ALK: variants seen among roughly 807,000 people sequenced by gnomAD.
ALK encodes ALK tyrosine kinase receptor.
A neutral mutation model predicts 163.1 loss-of-function variants in ALK; 74 were observed. That is an observed-to-expected ratio of 0.45 (90% CI 0.38 to 0.55). The LOEUF is 0.55. ALK is among the 20% of genes least tolerant of loss of function. The pLI is 0.00. For synonymous variants in ALK, 960 were observed against 843.2 expected, an observed-to-expected ratio of 1.14 and a Z score of -2.40; for missense variants, 2,063 against 2,105.3, an observed-to-expected ratio of 0.98 and a Z score of 0.39.
At chr2:29,906,951 T>TG (rs1313491131) in intron 1 of ALK, among the ~76,000 whole-genome samples, 4 of 139,490 alleles carry the variant, frequency 2.9e-5, no homozygotes, top group African/African-American at 1.1e-4. Flanking sequence ...TTTTTTTTTT[T>TG]TTTTTTTTTT....
At chr2:29,538,839 A>G (rs1226976604) in intron 3 of ALK, among the ~76,000 whole-genome samples, 1 of 152,182 alleles carries the variant, frequency 6.6e-6, no homozygotes, top group Non-Finnish European at 1.5e-5. Context: ...GGATAGGACA[A>G]TAAGAAAAAT....
In ALK at chr2:29,555,644, AGCC is replaced by A. The variant is rs1673833938; in HGVS notation, c.953-23531_953-23529del. Among the ~76,000 whole-genome samples, 11 of 152,310 alleles carry A rather than the reference AGCC, an allele frequency of 7.2e-5. No individual in the cohort carries two copies. The South Asian group carries it at 2.3e-3, about 32-fold the overall frequency. The stretch of plus-strand genomic sequence containing the variant: ...TTCAATTCATAAATTCTGTAACAAA[AGCC>A]CAACTGAAGAAGCAGATAGTGAAAT... On this transcript the variant is annotated intron_variant, in intron 3 of 28. Transcript: ENST00000389048.
intron 1 of ALK, among the ~76,000 whole-genome samples, chr2:29,882,435 C>G (rs1041061006): frequency 9.2e-5 from 14 of 152,188 alleles, no homozygotes; most frequent in Non-Finnish European, 2.1e-4. Context: ...GTGGCTCATG[C>G]CTGTAATCCC....
At chr2:29,911,583 T>G (rs1242759934) in intron 1 of ALK, among the ~76,000 whole-genome samples, 1 of 152,242 alleles carries the variant, frequency 6.6e-6, no homozygotes, top group South Asian at 2.1e-4. Flanking sequence ...GAAGGAAATA[T>G]GCTAATTCGC....
rs190687684 is a variant in ALK at position 29,889,351 on chromosome 2, T to C, written c.667+30642A>G. On this transcript the variant is annotated intron_variant, in intron 1 of 28. Transcript: ENST00000389048. The stretch of plus-strand genomic sequence containing the variant: ...CACAATTTTATTTACTAATGTTTAC[T>C]TGCTTATTTAAGGAATGATACCATT... Among the ~76,000 whole-genome samples, 1,047 of 152,214 alleles carry C rather than the reference T, an allele frequency of 6.9e-3. 8 individuals carry two copies. The highest frequency in any genetic ancestry group is 0.017 in the African/African-American group (720 of 41,530).
chr2:29,457,198 C>A (rs72792489), intron 4 of ALK, among the ~76,000 whole-genome samples: 10,769 of 152,068 alleles, frequency 0.071, 527 homozygotes, highest in Non-Finnish European at 0.11. Context: ...GTCCACTAGG[C>A]CAGCTAACAC....
At chr2:29,207,039 G>T in intron 26 of ALK, 132 bp downstream of exon 26, 1 of 740,096 alleles carries the variant, frequency 1.4e-6, no homozygotes, top group Non-Finnish European at 2.5e-6. Flanking sequence ...AACCACTGTT[G>T]TCGGGTGTAT....
At chr2:29,849,844 C>T (rs1021900713) in intron 1 of ALK, among the ~76,000 whole-genome samples, 3 of 151,994 alleles carry the variant, frequency 2.0e-5, no homozygotes, top group African/African-American at 7.2e-5. Flanking sequence ...AGAGGTGGCT[C>T]TCTGGTAGTG....
rs185519738 is a variant in ALK, at chr2:29,447,523, A to G, written c.1155-63664T>C. Among the ~76,000 whole-genome samples, 10 of 152,358 alleles carry G rather than the reference A, an allele frequency of 6.6e-5. No individual in the cohort carries two copies. In the East Asian group the frequency reaches 1.9e-3, roughly 29 times the overall value. On this transcript the variant is annotated intron_variant, in intron 4 of 28. Coordinates refer to ENST00000389048, the MANE Select transcript of ALK (RefSeq NM_004304.5). ...CAAGATGATTGCCCCAATGTGCAAAATAGAATAAAATTGGTCCTGGACTTC... is the reference window on the plus strand; with the variant it reads ...CAAGATGATTGCCCCAATGTGCAAAGTAGAATAAAATTGGTCCTGGACTTC...
intron 5 of ALK, among the ~76,000 whole-genome samples, chr2:29,382,189 G>A (rs1250322420): frequency 6.6e-6 from 1 of 152,114 alleles, no homozygotes; most frequent in Non-Finnish European, 1.5e-5. Context: ...CCTCTAAGAG[G>A]GTGCCCTGCC....
chr2:29,516,715 A>G (rs1672675884), intron 4 of ALK, among the ~76,000 whole-genome samples: 1 of 152,218 alleles, frequency 6.6e-6, no homozygotes, highest in Admixed American at 6.5e-5. Flanking sequence ...AATGGGGATA[A>G]TAATATGTTA....
intron 1 of ALK, among the ~76,000 whole-genome samples, chr2:29,806,635 T>C (rs1309292293): frequency 1.3e-5 from 2 of 152,186 alleles, no homozygotes; most frequent in African/African-American, 4.8e-5. Context: ...GCAGATGTTG[T>C]CCGGAATGCT....
rs1012098166 is a variant in ALK, at chr2:29,259,460, G to A, written c.2042-8193C>T. Among the ~76,000 whole-genome samples the A allele has an allele frequency of 3.9e-5, 6 of 152,000 alleles. No homozygotes were observed. In the East Asian group the frequency reaches 9.6e-4, roughly 24 times the overall value. On this transcript the variant is annotated intron_variant, in intron 11 of 28. Coordinates refer to ENST00000389048, the MANE Select transcript of ALK (RefSeq NM_004304.5). ...ATTTCTGTAGTCATTTTCGTTGTCC[G>A]AAGCTTGTTTTAAAGTAAATTCCTT...
intron 1 of ALK, among the ~76,000 whole-genome samples, chr2:29,718,268 GT>G (rs781426114): frequency 2.0e-5 from 3 of 152,188 alleles, no homozygotes; most frequent in Non-Finnish European, 2.9e-5. Context: ...AAGGATTAAT[GT>G]TTCTGATTTG....
At chr2:29,595,283 C>T (rs1675177411) in intron 3 of ALK, among the ~76,000 whole-genome samples, 1 of 150,900 alleles carries the variant, frequency 6.6e-6, no homozygotes, top group African/African-American at 2.4e-5. Flanking sequence ...GAGACACAGA[C>T]AGTGGTTTCT....
Position 29,320,854 on chromosome 2 carries a change from G to C in ALK, c.1443C>G (p.Asn481Lys). 1 of 1,614,186 alleles carries C rather than the reference G, an allele frequency of 6.2e-7. No homozygotes were observed. The highest frequency in any genetic ancestry group is 8.5e-7 in the Non-Finnish European group (1 of 1,180,018). ...CRKLPVGFYC[N>K]FEDGFCGWTQ... The stretch of plus-strand genomic sequence containing the variant: ...TCCAGCCACAGAAGCCATCTTCAAA[G>C]TTGCAGTAAAAACCCACAGGCAGTT... Residue 481 changes from asparagine (N) to lysine (K), a missense_variant, in exon 7 of 29, where the codon AAC becomes AAG. Coordinates refer to ENST00000389048, the MANE Select transcript of ALK (RefSeq NM_004304.5).
intron 8 of ALK, 78 bp downstream of exon 8, chr2:29,318,226 T>G (rs968858819): frequency 9.8e-6 from 12 of 1,229,630 alleles, no homozygotes; most frequent in African/African-American, 1.5e-5. Flanking sequence ...CCAGCTAGGC[T>G]ACTTTCTTAA....
chr2:29,290,498 C>T (rs564699141), intron 9 of ALK, among the ~76,000 whole-genome samples: 1 of 152,244 alleles, frequency 6.6e-6, no homozygotes. Context: ...TGAAAATGCT[C>T]CTAGGAGGGG....
At chr2:29,371,765 C>T (rs17007996) in intron 5 of ALK, among the ~76,000 whole-genome samples, 14,914 of 152,190 alleles carry the variant, frequency 0.098, 752 homozygotes, top group African/African-American at 0.11. Flanking sequence ...CCCACTGTTG[C>T]ACCTGCCAAT....
Sources: gnomAD v4.1 joint callset for allele counts (sites outside exome capture counted in the v4.1 genomes callset) on GRCh38, gnomAD v4.1.1 for gene constraint, MANE v1.5 for transcripts, NCBI Gene and HGNC (gene_info 2026-07-23, HGNC 2026-07-21) for gene names.